The following SASH3 variants were observed in gnomAD, a reference collection of about 807,000 sequenced individuals.
The protein encoded by SASH3 is SAM and SH3 domain-containing protein 3.
In SASH3, 7 loss-of-function variants were observed where a neutral mutation model predicts 26.1. The observed-to-expected ratio is 0.27, with a 90% CI of 0.15 to 0.50. The LOEUF is 0.50. Ranked by LOEUF, SASH3 falls within the 20% of genes least tolerant of loss-of-function variation. The pLI, the probability that SASH3 is intolerant of heterozygous loss-of-function variation, is 0.98. For synonymous variants in SASH3, 138 were observed against 136.8 expected (o/e 1.01, Z -0.06); for missense variants, 231 against 318.3 (o/e 0.73, Z 2.09).
In SASH3 at chrX:129,793,929, C is replaced by T; in HGVS notation, c.*97C>T. 1 of 834,772 alleles carries T rather than the reference C, an allele frequency of 1.2e-6. No homozygotes were observed. Among genetic ancestry groups the T allele is most frequent in the Non-Finnish European group, 1.7e-6 (1 of 592,119 alleles). The allele number at this position is 834,772 out of a possible 1,213,427, so 68.8% of individuals were successfully genotyped here. A position where few individuals can be genotyped will look rare whatever the true frequency, so the allele number is the denominator to read the frequency against. On this transcript the variant is annotated 3_prime_UTR_variant, in exon 8 of 8. Transcript: ENST00000356892. The stretch of plus-strand genomic sequence containing the variant: ...GTGGCCCAGGTCCTGAGGACTGGCA[C>T]TGAGCCTGGCCCTGCTTCCCCAGGG...
intron 2 of SASH3, 63 bp downstream of exon 2, chrX:129,788,133 G>GGGGGGGGGGGGGGGGGGT: frequency 3.2e-6 from 1 of 312,639 alleles, no homozygotes; most frequent in Non-Finnish European, 6.2e-6. Context: ...GTGGGGGTGG[G>GGGGGGGGGGGGGGGGGGT]AGGGAAGAGG....
At chrX:129,792,876 G>A in intron 6 of SASH3, 40 bp downstream of exon 6, 2 of 1,180,884 alleles carry the variant, frequency 1.7e-6, no homozygotes, top group Non-Finnish European at 2.3e-6. Context: ...TATCAGGGAG[G>A]CACAACTGCC....
At position 129,788,234 on chromosome X, in the gene SASH3, C is replaced by T. The variant is rs1427792534; in HGVS notation, c.153+164C>T. ...ACCAAGCACTCCCCTGCATTCCTTT[C>T]AATTATACATTAAATAGCAAACTAT... On this transcript the variant is annotated intron_variant, in intron 2 of 7. Transcript: ENST00000356892. The T allele has an allele frequency of 5.6e-6, 3 of 532,361 alleles. No homozygotes were observed. The African/African-American group carries it at 7.1e-5, about 13-fold the overall frequency. The allele number at this position is 532,361 out of a possible 1,213,427, so 43.9% of individuals were successfully genotyped here.
At position 129,794,903 on chromosome X, in the gene SASH3, T is replaced by C. The variant is rs1927308671; in HGVS notation, c.*1071T>C. On this transcript the variant is annotated 3_prime_UTR_variant, in exon 8 of 8. Transcript: ENST00000356892. ...GGGGTCCACCACTCCAACTTTGCTTTCTGAAGGTTTTGGTGTACATTGAGC... is the reference window on the plus strand; with the variant it reads ...GGGGTCCACCACTCCAACTTTGCTTCCTGAAGGTTTTGGTGTACATTGAGC... 2 of 111,556 alleles carry C rather than the reference T, an allele frequency of 1.8e-5. No homozygotes were observed. Among genetic ancestry groups the C allele is most frequent in the South Asian group, 7.5e-4 (2 of 2,659 alleles). 9.2% of individuals were successfully genotyped at this position (111,556 alleles called of 1,213,427 possible).
Position 129,794,187 on chromosome X carries a change from C to G in SASH3, c.*355C>G. 3.9e-6 allele frequency: 1 copy of G among 259,598 alleles called. No homozygotes were observed. The highest frequency in any genetic ancestry group is 7.0e-6 in the Non-Finnish European group (1 of 143,185). 21.4% of individuals were successfully genotyped at this position (259,598 alleles called of 1,213,427 possible). ...CTCACCAACAAGGCCTCCAAATCCT[C>G]CTCACCCCCACACCACCTACCCCTG... is the stretch of plus-strand genomic sequence containing the variant. On this transcript the variant is annotated 3_prime_UTR_variant, in exon 8 of 8. Transcript: ENST00000356892.
chrX:129,792,560 C>T (rs1927250158), intron 5 of SASH3, 67 bp from the exon 6 acceptor site: 1 of 1,191,763 alleles, frequency 8.4e-7, no homozygotes, highest in African/African-American at 1.8e-5. Context: ...ATGACAGTGT[C>T]AGTGGAGGCC....
chrX:129,786,471 G>T (rs1253765408), intron 1 of SASH3, among the ~76,000 whole-genome samples: 1 of 110,742 alleles, frequency 9.0e-6, no homozygotes, highest in Admixed American at 9.6e-5. Flanking sequence ...CTTCAACGTT[G>T]TGTGGGTTTG....
At chrX:129,791,595 A>G (rs758699403) in intron 4 of SASH3, among the ~76,000 whole-genome samples, 1 of 112,183 alleles carries the variant, frequency 8.9e-6, no homozygotes, top group Non-Finnish European at 1.9e-5. Flanking sequence ...ATCTTCTAGA[A>G]GTCCATGGGA....
Position 129,793,760 on chromosome X carries a change from C to T in SASH3, c.1071C>T (p.Ser357=), listed in dbSNP as rs750510675. Reference sequence around the variant, plus strand: ...CAGGCTGCTTTGAGGGCTCGGAGAGCGGGCGCGATGACGCAGAGCTGGCAG... The same window carrying T: ...CAGGCTGCTTTGAGGGCTCGGAGAGTGGGCGCGATGACGCAGAGCTGGCAG... ...RDSGCFEGSE[S]GRDDAELAGT... Residue 357 remains serine, a synonymous_variant, in exon 8 of 8, where the codon AGC becomes AGT. Transcript: ENST00000356892. 4.6e-5 allele frequency: 56 copies of T among 1,208,332 alleles called. 1 individual carries two copies. The highest frequency in any genetic ancestry group is 1.0e-4 in the African/African-American group (6 of 57,514).
intron 1 of SASH3, among the ~76,000 whole-genome samples, chrX:129,781,997 G>T (rs1806291119): frequency 8.9e-6 from 1 of 112,748 alleles, no homozygotes. Flanking sequence ...CAGAGGCTGA[G>T]ATGACGTGGT....
intron 1 of SASH3, among the ~76,000 whole-genome samples, chrX:129,783,158 G>A (rs760627864): frequency 1.3e-4 from 14 of 111,075 alleles, no homozygotes; most frequent in Non-Finnish European, 2.1e-4. Flanking sequence ...TTGGCCTGGC[G>A]GGCAAGAGCC....
chrX:129,780,469 A>G (rs1396612788), intron 1 of SASH3, among the ~76,000 whole-genome samples: 1 of 112,674 alleles, frequency 8.9e-6, no homozygotes, highest in African/African-American at 3.2e-5. Context: ...GAATAACAAA[A>G]TACAATGCTT....
chrX:129,780,546 C>T (rs755870898), intron 1 of SASH3, among the ~76,000 whole-genome samples: 1 of 112,721 alleles, frequency 8.9e-6, no homozygotes, highest in African/African-American at 3.2e-5. Context: ...ACTTCTGCCC[C>T]GGCCACGGCC....
intron 1 of SASH3, among the ~76,000 whole-genome samples, chrX:129,782,485 C>G (rs757717890): frequency 9.8e-5 from 11 of 112,400 alleles, no homozygotes; most frequent in African/African-American, 3.2e-4. Context: ...CCACGACAAC[C>G]TGGTGAGGTA....
intron 1 of SASH3, among the ~76,000 whole-genome samples, chrX:129,781,158 T>C (rs1041364523): frequency 8.9e-6 from 1 of 112,308 alleles, no homozygotes; most frequent in Non-Finnish European, 1.9e-5. Context: ...AGGCCCAGGC[T>C]ATCCCCCGCC....
chrX:129,789,167 G>A (rs200388749), intron 3 of SASH3, among the ~76,000 whole-genome samples: 78 of 13,629 alleles, frequency 5.7e-3, no homozygotes, highest in East Asian at 9.0e-3. Flanking sequence ...GAAAGAAAGA[G>A]AAAAAAAAAA....
chrX:129,792,543 C>G (rs1258562343), intron 5 of SASH3, 67 bp downstream of exon 5: 2 of 1,202,599 alleles, frequency 1.7e-6, no homozygotes, highest in Admixed American at 2.2e-5. Flanking sequence ...CTGGACTGAA[C>G]CAGGCTATGA....
At position 129,787,971 on chromosome X, in the gene SASH3, C is replaced by T. The variant is rs1204280982; in HGVS notation, c.58-4C>T. 8.3e-7 allele frequency: 1 copy of T among 1,205,287 alleles called. No homozygotes were observed. Among genetic ancestry groups the T allele is most frequent in the African/African-American group, 1.8e-5 (1 of 57,076 alleles). On this transcript the variant is annotated splice_region_variant and splice_polypyrimidine_tract_variant and intron_variant, in intron 1 of 7. Transcript: ENST00000356892. Reference sequence around the variant, plus strand: ...ACTGATTGCAACACCCACCCTTTTTCCAGCTCTCCCTTCAGCGCTCCAGCA... The same window carrying T: ...ACTGATTGCAACACCCACCCTTTTTTCAGCTCTCCCTTCAGCGCTCCAGCA...
At chrX:129,791,216 G>C in intron 4 of SASH3, 135 bp downstream of exon 4, 1 of 620,429 alleles carries the variant, frequency 1.6e-6, no homozygotes, top group Non-Finnish European at 2.5e-6. Context: ...AACATTCTCA[G>C]TCCTCTTCAC....
Sources: gnomAD v4.1 joint callset for allele counts (sites outside exome capture counted in the v4.1 genomes callset) on GRCh38, gnomAD v4.1.1 for gene constraint, MANE v1.5 for transcripts, NCBI Gene and HGNC (gene_info 2026-07-23, HGNC 2026-07-21) for gene names.